Variants in MCM3AP observed in about 807,000 individuals in gnomAD.
The protein encoded by MCM3AP is germinal-center associated nuclear protein.
A neutral mutation model predicts 184.1 loss-of-function variants in MCM3AP; 126 were observed. That is an observed-to-expected ratio of 0.68 (90% CI 0.59 to 0.79). The LOEUF is 0.79. Among genes scored for constraint, MCM3AP ranks in the 30% least tolerant of loss-of-function variants. The probability of loss-of-function intolerance (pLI) is 0.00; values close to 1 mark genes in which losing one functional copy is unlikely to be tolerated. For missense variants in MCM3AP, 2,496 were observed against 2,479.2 expected (o/e 1.01, Z -0.14); for synonymous variants, 1,002 against 979.3 (o/e 1.02, Z -0.43).
chr21:46,239,539 A>C (rs996017819), intron 26 of MCM3AP, among the ~76,000 whole-genome samples: 9 of 152,222 alleles, frequency 5.9e-5, no homozygotes, highest in Non-Finnish European at 1.2e-4. Flanking sequence ...AACAGAGATG[A>C]CCACCAAAGG....
At chr21:46,276,242 C>T (rs889490282) in intron 5 of MCM3AP, among the ~76,000 whole-genome samples, 2 of 146,558 alleles carry the variant, frequency 1.4e-5, no homozygotes, top group African/African-American at 2.5e-5. Context: ...CCATGGGTAA[C>T]AGAGCAAGAC....
intron 15 of MCM3AP, 85 bp downstream of exon 15, chr21:46,260,708 C>A: frequency 1.1e-6 from 1 of 924,124 alleles, no homozygotes; most frequent in Middle Eastern, 2.3e-4. Context: ...TTTCCAATAG[C>A]CCATCCTCAG....
At chr21:46,274,413 C>T (rs1259722650) in intron 6 of MCM3AP, among the ~76,000 whole-genome samples, 1 of 152,102 alleles carries the variant, frequency 6.6e-6, no homozygotes, top group Non-Finnish European at 1.5e-5. Flanking sequence ...ACTAATAGAA[C>T]TAAAAATTTA....
At chr21:46,241,054 G>C (rs781602205) in intron 25 of MCM3AP, 37 bp from the exon 26 acceptor site, 1 of 1,452,472 alleles carries the variant, frequency 6.9e-7, no homozygotes, top group East Asian at 2.3e-5. Flanking sequence ...ATGGTCAAGA[G>C]AAAATATTTC....
At chr21:46,263,782 A>G in intron 13 of MCM3AP, among the ~76,000 whole-genome samples, 1 of 50,304 alleles carries the variant, frequency 2.0e-5, no homozygotes, top group African/African-American at 8.3e-5. Flanking sequence ...CTCCATCTCA[A>G]AAAAAAAAAA....
At position 46,246,608 on chromosome 21, in the gene MCM3AP, A is replaced by G. The variant is rs1030877212; in HGVS notation, c.4549+20T>C. On this transcript the variant is annotated intron_variant, in intron 21 of 27. Transcript: ENST00000291688. ...TTTATTAAACAATGCTGCTTCATAA[A>G]CGAGACTTCCTTCACAAACCATCTT... is the stretch of plus-strand genomic sequence containing the variant. 13 of 1,605,682 alleles carry G rather than the reference A, an allele frequency of 8.1e-6. No homozygotes were observed. The highest frequency in any genetic ancestry group is 1.0e-5 in the Non-Finnish European group (12 of 1,173,224).
intron 26 of MCM3AP, among the ~76,000 whole-genome samples, chr21:46,239,791 G>A (rs1414655151): frequency 6.6e-6 from 1 of 152,096 alleles, no homozygotes; most frequent in Non-Finnish European, 1.5e-5. Flanking sequence ...GAGAGGTTGA[G>A]AGAATGAATC....
At position 46,256,872 on chromosome 21, in the gene MCM3AP, T is replaced by C. The variant is rs745596334; in HGVS notation, c.3849A>G (p.Ala1283=). The change falls in exon 17 of 28, where the codon GCA becomes GCG. Residue 1283 remains alanine, a synonymous_variant. Transcript: ENST00000291688. ...SDRLRALAPS[A]ECPIAEENLA... ...GGTTCTCTTCAGCAATGGGGCACTC[T>C]GCGCTGGGCGCCAGCGCCCTCAGCC... 90 of 1,591,328 alleles carry C rather than the reference T, an allele frequency of 5.7e-5. No homozygotes were observed. Among genetic ancestry groups the C allele is most frequent in the Non-Finnish European group, 7.2e-5 (84 of 1,169,070 alleles).
intron 20 of MCM3AP, chr21:46,249,951 G>A (rs963825165): frequency 1.2e-4 from 21 of 174,802 alleles, no homozygotes; most frequent in Admixed American, 6.1e-5. Context: ...GAGGAGCAGG[G>A]ACACATATGC....
chr21:46,256,856 C>CA lies in MCM3AP; in HGVS notation c.3864dup (p.Glu1289Ter). On this transcript the variant is annotated frameshift_variant, in exon 17 of 28. Transcript: ENST00000291688. LOFTEE classifies it high-confidence loss of function. ...AGGAGGCCCCTGGCCAGGTTCTCTT[C>CA]AGCAATGGGGCACTCTGCGCTGGGC... The CA allele has an allele frequency of 6.3e-7, 1 of 1,580,646 alleles. No individual in the cohort carries two copies. Among genetic ancestry groups the CA allele is most frequent in the Non-Finnish European group, 8.6e-7 (1 of 1,163,138 alleles).
chr21:46,235,257 G>T lies in MCM3AP; in HGVS notation c.*11C>A. 1 of 1,614,062 alleles carries T rather than the reference G, an allele frequency of 6.2e-7. No individual in the cohort carries two copies. ...CTTCGGGAGAGACCCCCTCCCCACA[G>T]GTCAGGCTGCTCAAATGTCCACCAT... On this transcript the variant is annotated 3_prime_UTR_variant, in exon 28 of 28. Coordinates refer to ENST00000291688, the MANE Select transcript of MCM3AP (RefSeq NM_003906.5).
In MCM3AP at chr21:46,235,383, C is replaced by T. The variant is rs767783662; in HGVS notation, c.5828G>A (p.Gly1943Glu). Residue 1943 changes from glycine to glutamate, a missense_variant, in exon 28 of 28, where the codon GGA becomes GAA. Coordinates refer to ENST00000291688, the MANE Select transcript of MCM3AP (RefSeq NM_003906.5). ...REQLQLSEAT[G>E]TCLGERLKHL... ...CTTTAGTCGTTCGCCTAGACACGTT[C>T]CTGTCGCCTCTGACAGCTGCAGTTG... The T allele has an allele frequency of 2.5e-5, 41 of 1,614,012 alleles. No individual in the cohort carries two copies. The highest frequency in any genetic ancestry group is 4.5e-5 in the East Asian group (2 of 44,884).
chr21:46,263,105 G>A (rs574116319), intron 13 of MCM3AP, among the ~76,000 whole-genome samples: 111 of 151,854 alleles, frequency 7.3e-4, no homozygotes, highest in African/African-American at 2.5e-3. Context: ...CAAGGCGGGC[G>A]GATCACGAGG....
chr21:46,280,943 T>C lies in MCM3AP; in HGVS notation c.1444-368A>G, dbSNP rs938709023. On this transcript the variant is annotated intron_variant, in intron 2 of 27. Coordinates refer to ENST00000291688, the MANE Select transcript of MCM3AP (RefSeq NM_003906.5). ...CCTCAGCCTCCTGAGCAGCTGGGACTACAGGCGCCCGCCACCACATCCGGC... is the reference window on the plus strand; with the variant it reads ...CCTCAGCCTCCTGAGCAGCTGGGACCACAGGCGCCCGCCACCACATCCGGC... 7.2e-5 allele frequency among the ~76,000 whole-genome samples: 11 copies of C among 152,158 alleles called. No individual in the cohort carries two copies. The East Asian group carries it at 2.1e-3, about 29-fold the overall frequency.
At chr21:46,264,299 C>A in intron 12 of MCM3AP, 82 bp from the exon 13 acceptor site, 1 of 841,978 alleles carries the variant, frequency 1.2e-6, no homozygotes, top group Non-Finnish European at 1.9e-6. Flanking sequence ...ACCGGACAGT[C>A]TGCAGGCGTC....
At chr21:46,248,520 C>T (rs886737547) in intron 20 of MCM3AP, among the ~76,000 whole-genome samples, 5 of 151,798 alleles carry the variant, frequency 3.3e-5, no homozygotes, top group African/African-American at 7.3e-5. Flanking sequence ...CTTGGCTAGC[C>T]TTTTAGGGCC....
At chr21:46,275,124 C>G in intron 6 of MCM3AP, 62 bp downstream of exon 6, 1 of 1,532,776 alleles carries the variant, frequency 6.5e-7, no homozygotes, top group South Asian at 1.3e-5. Context: ...CAAGTATGTA[C>G]AGAAATGACA....
chr21:46,238,785 A>G (rs781051453), intron 26 of MCM3AP, among the ~76,000 whole-genome samples: 34 of 152,142 alleles, frequency 2.2e-4, no homozygotes, highest in East Asian at 1.9e-4. Context: ...ACATTCATTC[A>G]CCCTTCCAAA....
intron 13 of MCM3AP, among the ~76,000 whole-genome samples, chr21:46,261,710 G>C (rs533259698): frequency 4.1e-5 from 6 of 147,860 alleles, no homozygotes; most frequent in African/African-American, 7.6e-5. Flanking sequence ...TCCAGCCTGG[G>C]CGACACAGCG....
Sources: gnomAD v4.1 joint callset for allele counts (sites outside exome capture counted in the v4.1 genomes callset) on GRCh38, gnomAD v4.1.1 for gene constraint, MANE v1.5 for transcripts, NCBI Gene and HGNC (gene_info 2026-07-23, HGNC 2026-07-21) for gene names.